The following HTR4 variants were observed in gnomAD, a reference collection of about 807,000 sequenced individuals.
The protein encoded by HTR4 is 5-hydroxytryptamine receptor 4.
In HTR4, 16 loss-of-function variants were observed where a neutral mutation model predicts 36.8. The ratio of observed to expected loss-of-function variants is 0.43; its 90% CI spans 0.29 to 0.66. The LOEUF is 0.66. HTR4 is among the 30% of genes least tolerant of loss of function. The pLI, the probability that HTR4 is intolerant of heterozygous loss-of-function variation, is 0.13. For missense variants in HTR4, 438 were observed against 490.9 expected (o/e 0.89, Z 1.02); for synonymous variants, 189 against 185.1 (o/e 1.02, Z -0.17).
At chr5:148,605,032 T>C (rs1205474315) in intron 2 of HTR4, among the ~76,000 whole-genome samples, 1 of 152,116 alleles carries the variant, frequency 6.6e-6, no homozygotes, top group African/African-American at 2.4e-5. Context: ...TATCTCTGTA[T>C]ACCTATTGCA....
At chr5:148,606,285 C>G (rs1561645845) in intron 2 of HTR4, among the ~76,000 whole-genome samples, 1 of 151,964 alleles carries the variant, frequency 6.6e-6, no homozygotes, top group East Asian at 1.9e-4. Flanking sequence ...ATTTGAGGAA[C>G]TGTAGTTTAC....
intron 6 of HTR4, among the ~76,000 whole-genome samples, chr5:148,503,117 A>G (rs1450730119): frequency 5.9e-5 from 9 of 152,332 alleles, no homozygotes; most frequent in Non-Finnish European, 1.2e-4. Flanking sequence ...GCAGGCCAAC[A>G]TTTGAATTCA....
At chr5:148,539,852 C>T (rs1486576467) in intron 4 of HTR4, among the ~76,000 whole-genome samples, 2 of 152,124 alleles carry the variant, frequency 1.3e-5, no homozygotes, top group Admixed American at 6.5e-5. Flanking sequence ...TCATTCAACC[C>T]AGCAATCCCA....
intron 4 of HTR4, among the ~76,000 whole-genome samples, chr5:148,526,171 T>C (rs1388003898): frequency 1.3e-5 from 2 of 152,188 alleles, no homozygotes; most frequent in African/African-American, 2.4e-5. Context: ...AGCCATCCAG[T>C]GTGTGGTACC....
chr5:148,507,406 G>A (rs1757276881), intron 6 of HTR4, among the ~76,000 whole-genome samples: 1 of 149,824 alleles, frequency 6.7e-6, no homozygotes, highest in Admixed American at 6.6e-5. Context: ...GATAACATTA[G>A]GAGATATACC....
intron 4 of HTR4, among the ~76,000 whole-genome samples, chr5:148,530,963 C>T (rs1041948947): frequency 6.6e-6 from 1 of 152,226 alleles, no homozygotes; most frequent in Non-Finnish European, 1.5e-5. Context: ...CCTGTAGCCC[C>T]TTTGTTTTGC....
At chr5:148,584,088 G>T (rs1167180326) in intron 2 of HTR4, among the ~76,000 whole-genome samples, 2 of 152,114 alleles carry the variant, frequency 1.3e-5, no homozygotes, top group Non-Finnish European at 2.9e-5. Flanking sequence ...ATACTCAAAA[G>T]CTCTCTCAAT....
At chr5:148,641,270 C>T (rs1357404666) in intron 1 of HTR4, among the ~76,000 whole-genome samples, 1 of 152,170 alleles carries the variant, frequency 6.6e-6, no homozygotes, top group African/African-American at 2.4e-5. Context: ...TGTGTCACTT[C>T]TAAAAATTCT....
chr5:148,512,385 T>A (rs1757535795), intron 5 of HTR4, among the ~76,000 whole-genome samples: 2 of 152,226 alleles, frequency 1.3e-5, no homozygotes, highest in African/African-American at 4.8e-5. Context: ...TTCGATATCC[T>A]GTCTTTTGAA....
intron 5 of HTR4, among the ~76,000 whole-genome samples, chr5:148,514,191 G>T (rs985758094): frequency 1.3e-5 from 2 of 151,928 alleles, no homozygotes; most frequent in African/African-American, 4.8e-5. Flanking sequence ...CAGTTTTAGG[G>T]GATGAGCCTT....
At chr5:148,553,384 A>G (rs1366567170) in intron 2 of HTR4, among the ~76,000 whole-genome samples, 1 of 152,196 alleles carries the variant, frequency 6.6e-6, no homozygotes, top group Non-Finnish European at 1.5e-5. Context: ...CCTTACCTGC[A>G]TATTTAAGTT....
At chr5:148,635,287 T>C (rs1275315403) in intron 2 of HTR4, among the ~76,000 whole-genome samples, 1 of 152,174 alleles carries the variant, frequency 6.6e-6, no homozygotes, top group Non-Finnish European at 1.5e-5. Flanking sequence ...CATCTTTTAT[T>C]ATGGACATTC....
At chr5:148,596,126 G>A (rs954698555) in intron 2 of HTR4, among the ~76,000 whole-genome samples, 2 of 152,190 alleles carry the variant, frequency 1.3e-5, no homozygotes, top group Admixed American at 6.5e-5. Flanking sequence ...ATTCACAAAT[G>A]TATGAATGTA....
chr5:148,460,123 A>T (rs909908076), intron 5 of HTR4, among the ~76,000 whole-genome samples: 1 of 152,092 alleles, frequency 6.6e-6, no homozygotes, highest in Admixed American at 6.5e-5. Context: ...CAGAAAAAAA[A>T]TACAGAGCAC....
At chr5:148,452,067 T>C (rs1754986209) in intron 5 of HTR4, among the ~76,000 whole-genome samples, 1 of 152,234 alleles carries the variant, frequency 6.6e-6, no homozygotes, top group African/African-American at 2.4e-5. Flanking sequence ...TTTGGCATCA[T>C]ATGTTGACAA....
intron 3 of HTR4, 110 bp downstream of exon 3, chr5:148,550,027 G>T: frequency 9.0e-7 from 1 of 1,116,582 alleles, no homozygotes; most frequent in South Asian, 1.7e-5. Flanking sequence ...TTGTTCCCAT[G>T]AATGTTTTCT....
At position 148,509,596 on chromosome 5, in the gene HTR4, G is replaced by A. The variant is rs376241160; in HGVS notation, c.936C>T (p.Tyr312=). 1.4e-5 allele frequency: 23 copies of A among 1,613,960 alleles called. No individual in the cohort carries two copies. Among genetic ancestry groups the A allele is most frequent in the East Asian group, 8.9e-5 (4 of 44,864 alleles). The change falls in exon 6 of 7, where the codon TAC becomes TAT. Residue 312 remains tyrosine (Y), a synonymous_variant. Coordinates refer to ENST00000377888, the MANE Select transcript of HTR4 (RefSeq NM_000870.7). The part of the protein sequence containing the change: ...YINSGLNPFL[Y]AFLNKSFRRA... ...GTCTAAAAGACTTATTCAAGAAGGC[G>A]TAGAGAAAAGGGTTCAACCCGGAAT...
Position 148,461,007 on chromosome 5 carries a change from A to G in HTR4, c.1077-9735T>C, listed in dbSNP as rs78899529. Among the ~76,000 whole-genome samples the G allele has an allele frequency of 5.6e-3, 853 of 152,158 alleles. 32 individuals are homozygous for G. In the East Asian group the frequency reaches 0.1, roughly 19 times the overall value. On this transcript the variant is annotated intron_variant, in intron 5 of 5. Coordinates refer to the HTR4 transcript ENST00000521530. ...GGAATTATGATTATTTTGTCATTAT[A>G]AGGTATTTGTACTACCAAAAAGTTG...
chr5:148,564,018 A>T (rs1210495045), intron 2 of HTR4, among the ~76,000 whole-genome samples: 1 of 152,226 alleles, frequency 6.6e-6, no homozygotes, highest in Admixed American at 6.5e-5. Context: ...CACTGAAGTC[A>T]AGATATGTTC....
Sources: allele counts gnomAD v4.1 joint callset (sites outside exome capture counted in the v4.1 genomes callset), GRCh38; gene constraint gnomAD v4.1.1; transcripts MANE v1.5; gene names NCBI Gene and HGNC (gene_info 2026-07-23, HGNC 2026-07-21).